Variants in FRMPD4 observed in about 807,000 individuals in gnomAD.
The protein encoded by FRMPD4 is FERM and PDZ domain-containing protein 4.
A neutral mutation model predicts 94.1 loss-of-function variants in FRMPD4; 22 were observed. The ratio of observed to expected loss-of-function variants is 0.23; its 90% confidence interval spans 0.17 to 0.33. The LOEUF (loss-of-function observed/expected upper bound fraction) is 0.33, where lower values mean the gene tolerates loss of function less well. FRMPD4 is among the 10% of genes least tolerant of loss of function. FRMPD4 has a pLI of 1.00. For missense variants in FRMPD4, 1,111 were observed against 1,339.9 expected (o/e 0.83, Z 2.67); for synonymous variants, 631 against 548.6 (o/e 1.15, Z -2.10).
intron 1 of FRMPD4, among the ~76,000 whole-genome samples, chrX:12,339,116 G>C (rs2055570277): frequency 8.9e-6 from 1 of 111,836 alleles, no homozygotes; most frequent in South Asian, 3.7e-4. Flanking sequence ...ATCCATCTGG[G>C]AGCAGAACAT....
chrX:12,578,555 GAT>G (rs57020025), intron 2 of FRMPD4, among the ~76,000 whole-genome samples: 26,030 of 109,985 alleles, frequency 0.24, 2,685 homozygotes, highest in African/African-American at 0.4. Context: ...TGTATTCTGA[GAT>G]ATATATATAC....
At chrX:12,448,128 G>A (rs1341293482) in intron 1 of FRMPD4, among the ~76,000 whole-genome samples, 4 of 111,599 alleles carry the variant, frequency 3.6e-5, no homozygotes, top group Non-Finnish European at 7.5e-5. Flanking sequence ...GAATGATGGA[G>A]TGTTTGTATA....
intron 1 of FRMPD4, among the ~76,000 whole-genome samples, chrX:12,147,724 A>G (rs1232488527): frequency 8.9e-6 from 1 of 112,029 alleles, no homozygotes; most frequent in East Asian, 2.8e-4. Flanking sequence ...CACTTTCTAC[A>G]AATTGAAGGT....
chrX:12,685,962 A>G, intron 6 of FRMPD4, 135 bp from the exon 7 acceptor site: 6 of 343,471 alleles, frequency 1.7e-5, no homozygotes, highest in Non-Finnish European at 3.1e-5. Context: ...TCACCAAAGG[A>G]ATGCCTTGTT....
At chrX:12,034,174 A>G (rs2054707510) in intron 3 of FRMPD4, among the ~76,000 whole-genome samples, 1 of 112,273 alleles carries the variant, frequency 8.9e-6, no homozygotes. Context: ...AAAGTCAACC[A>G]TAATTTCATC....
intron 2 of FRMPD4, among the ~76,000 whole-genome samples, chrX:11,877,724 A>C (rs113775235): frequency 8.9e-6 from 1 of 112,343 alleles, no homozygotes; most frequent in African/African-American, 3.2e-5. Context: ...GGAGCACGTG[A>C]TTGTTTAAGA....
intron 1 of FRMPD4, among the ~76,000 whole-genome samples, chrX:12,170,827 A>G (rs922308370): frequency 2.9e-4 from 33 of 112,977 alleles, no homozygotes; most frequent in African/African-American, 1.1e-3. Context: ...TTTCCTGTAC[A>G]TAACATAAAT....
intron 1 of FRMPD4, among the ~76,000 whole-genome samples, chrX:12,459,009 T>G (rs1436689851): frequency 1.8e-5 from 2 of 111,963 alleles, no homozygotes; most frequent in African/African-American, 6.5e-5. Context: ...CCATTGACCA[T>G]GGAGCACAGA....
intron 1 of FRMPD4, among the ~76,000 whole-genome samples, chrX:12,191,444 C>T (rs987516622): frequency 7.1e-5 from 8 of 111,927 alleles, no homozygotes; most frequent in Non-Finnish European, 1.3e-4. Context: ...AGCCCGCACA[C>T]GAATGTTTAT....
chrX:12,417,068 T>C (rs2056811958), intron 1 of FRMPD4, among the ~76,000 whole-genome samples: 1 of 111,223 alleles, frequency 9.0e-6, no homozygotes. Context: ...TGTCTGACTC[T>C]TATGTGTTCT....
chrX:12,721,670 C>T lies in FRMPD4; in HGVS notation c.5101C>T (p.Arg1701Trp), dbSNP rs749213060. Residue 1701 changes from arginine to tryptophan, a missense_variant, in exon 17 of 17, where the codon CGG (arginine) becomes TGG (tryptophan). This residue lies in a region of FRMPD4 where 551 missense variants were observed against 591.6 expected (regional missense o/e 0.93). Coordinates refer to ENST00000675598, the MANE Select transcript of FRMPD4 (RefSeq NM_001368397.1). ...LVKVVNSETQ[R>W]QEIVGKIDEV... ...TAAAGTCGTGAACTCAGAAACACAG[C>T]GGCAGGAAATTGTAGGGAAGATCGA... 4.0e-6 allele frequency: 3 copies of T among 749,839 alleles called. No individual in the cohort carries two copies. Among genetic ancestry groups the T allele is most frequent in the South Asian group, 1.4e-4 (2 of 14,610 alleles). The allele number at this position is 749,839 out of a possible 1,213,427, so 61.8% of individuals were successfully genotyped here.
intron 3 of FRMPD4, among the ~76,000 whole-genome samples, chrX:12,049,918 A>G (rs941582440): frequency 8.9e-6 from 1 of 111,930 alleles, no homozygotes; most frequent in Non-Finnish European, 1.9e-5. Flanking sequence ...AAAAGTTTAT[A>G]GAATAAGAAT....
chrX:12,362,454 G>A (rs922440528), intron 1 of FRMPD4, among the ~76,000 whole-genome samples: 8 of 111,203 alleles, frequency 7.2e-5, no homozygotes, highest in Admixed American at 3.8e-4. Context: ...AGAACATGTG[G>A]TGTTTGGTTT....
chrX:12,628,572 T>G (rs1455840249), intron 4 of FRMPD4, among the ~76,000 whole-genome samples: 1 of 112,697 alleles, frequency 8.9e-6, no homozygotes, highest in African/African-American at 3.2e-5. Context: ...GGGTTCTGAC[T>G]AGAAAAGAAG....
chrX:12,078,967 C>T (rs1008504721), intron 3 of FRMPD4, among the ~76,000 whole-genome samples: 6 of 111,488 alleles, frequency 5.4e-5, no homozygotes, highest in Non-Finnish European at 1.1e-4. Flanking sequence ...CTCTTGATTG[C>T]AGTAAAATCC....
At position 12,718,725 on chromosome X, in the gene FRMPD4, C is replaced by A. The variant is rs139367112; in HGVS notation, c.3899C>A (p.Thr1300Asn). 374 of 1,208,449 alleles carry A rather than the reference C, an allele frequency of 3.1e-4. 2 individuals carry two copies. In the African/African-American group the frequency reaches 6.0e-3, roughly 19 times the overall value. Residue 1300 changes from threonine (T) to asparagine (N), a missense_variant, in exon 16 of 17, where the codon ACC (threonine) becomes AAC (asparagine). Thr to Asn is a moderately conservative substitution (Grantham distance 65). This residue lies in a region of FRMPD4 where 551 missense variants were observed against 591.6 expected (regional missense o/e 0.93). Coordinates refer to ENST00000675598, the MANE Select transcript of FRMPD4 (RefSeq NM_001368397.1). ...TVPALHTAIN[T>N]EPLFGTLRDG... ...CCTGCTCTGCACACAGCCATTAACA[C>A]CGAACCCCTGTTTGGCACATTGAGA...
Position 12,225,179 on chromosome X carries a change from C to G in FRMPD4, c.41+86167C>G, listed in dbSNP as rs775453222. ...AGGAAATGAGTTTAAAAACATAAAT[C>G]TACTTGTGTGTCAAGTAAGAATGGT... On this transcript the variant is annotated intron_variant, in intron 1 of 16. Coordinates refer to ENST00000675598, the MANE Select transcript of FRMPD4 (RefSeq NM_001368397.1). 5.3e-5 allele frequency among the ~76,000 whole-genome samples: 6 copies of G among 112,284 alleles called. No homozygotes were observed. In the South Asian group the frequency reaches 2.2e-3, roughly 42 times the overall value.
intron 3 of FRMPD4, among the ~76,000 whole-genome samples, chrX:11,966,311 A>G (rs2054309355): frequency 9.0e-6 from 1 of 110,876 alleles, no homozygotes; most frequent in Non-Finnish European, 1.9e-5. Flanking sequence ...TGCCCTTGTA[A>G]AAGAGAAATA....
At chrX:12,313,047 C>G (rs1361029529) in intron 1 of FRMPD4, among the ~76,000 whole-genome samples, 1 of 111,210 alleles carries the variant, frequency 9.0e-6, no homozygotes, top group East Asian at 2.8e-4. Context: ...AAACAAGGTC[C>G]TGAAAGTGCT....
Sources: allele counts gnomAD v4.1 joint callset (sites outside exome capture counted in the v4.1 genomes callset), GRCh38; gene constraint gnomAD v4.1.1; regional missense constraint gnomAD v4.1.1; transcripts MANE v1.5; gene names NCBI Gene and HGNC (gene_info 2026-07-23, HGNC 2026-07-21).